Variants in ZBTB44 observed in about 807,000 individuals in gnomAD.
ZBTB44 encodes zinc finger and BTB domain containing 44.
ZBTB44 carries 15 observed loss-of-function variants against 54.0 expected under a neutral mutation model. That is an observed-to-expected ratio of 0.28 (90% CI 0.19 to 0.43). ZBTB44 has a LOEUF of 0.43. ZBTB44 is among the 20% of genes least tolerant of loss of function. The pLI, the probability that ZBTB44 is intolerant of heterozygous loss-of-function variation, is 1.00. For missense variants in ZBTB44, 487 were observed against 707.1 expected, an observed-to-expected ratio of 0.69 and a Z score of 3.53; for synonymous variants, 230 against 250.1, an observed-to-expected ratio of 0.92 and a Z score of 0.76.
intron 1 of ZBTB44, chr11:130,295,773 A>G (rs1466297047): frequency 6.8e-7 from 1 of 1,469,288 alleles, no homozygotes; most frequent in Non-Finnish European, 9.5e-7. Flanking sequence ...AGTAGAACTC[A>G]TTGTTAAAAT....
At chr11:130,268,889 A>AAG (rs201442481) in intron 1 of ZBTB44, among the ~76,000 whole-genome samples, 57 of 150,532 alleles carry the variant, frequency 3.8e-4, no homozygotes, top group Admixed American at 1.2e-3. Context: ...CTCAAATTTT[A>AAG]AGAGAGAGAG....
chr11:130,262,974 T>A (rs1938987413), intron 1 of ZBTB44, among the ~76,000 whole-genome samples: 1 of 152,142 alleles, frequency 6.6e-6, no homozygotes, highest in African/African-American at 2.4e-5. Context: ...TGTGGAAGGA[T>A]CACTTGAGCC....
chr11:130,298,191 T>C (rs1169759216), intron 1 of ZBTB44, among the ~76,000 whole-genome samples: 1 of 152,018 alleles, frequency 6.6e-6, no homozygotes, highest in Non-Finnish European at 1.5e-5. Flanking sequence ...TTGCCTAGAT[T>C]AGAGTGCAGA....
chr11:130,306,245 G>C (rs1942257503), intron 1 of ZBTB44, among the ~76,000 whole-genome samples: 1 of 152,140 alleles, frequency 6.6e-6, no homozygotes, highest in Non-Finnish European at 1.5e-5. Flanking sequence ...GCTCACACTT[G>C]TAATCCCAGC....
chr11:130,249,813 A>T (rs1025219924), intron 2 of ZBTB44, among the ~76,000 whole-genome samples: 1 of 152,202 alleles, frequency 6.6e-6, no homozygotes, highest in Admixed American at 6.5e-5. Context: ...CCCGGGTTTC[A>T]AGCACAAAAC....
chr11:130,266,357 G>A (rs922123042), intron 1 of ZBTB44, among the ~76,000 whole-genome samples: 1 of 152,174 alleles, frequency 6.6e-6, no homozygotes, highest in Non-Finnish European at 1.5e-5. Flanking sequence ...GGTCATCGAG[G>A]AGCTCTGATG....
chr11:130,228,838 A>C lies in ZBTB44; in HGVS notation c.*2926T>G, dbSNP rs1953776184. 1 of 152,214 alleles carries C rather than the reference A, an allele frequency of 6.6e-6. No individual in the cohort carries two copies. Among genetic ancestry groups the C allele is most frequent in the Non-Finnish European group, 1.5e-5 (1 of 68,032 alleles). 9.4% of individuals were successfully genotyped at this position (152,214 alleles called of 1,614,324 possible). A position where few individuals can be genotyped will look rare whatever the true frequency, so the allele number is the denominator to read the frequency against. ...CCAATTTTATCAGTATATCGCCACAACCGTGCCTGGGACTTTAAGCTTCAT... is the reference window on the plus strand; with the variant it reads ...CCAATTTTATCAGTATATCGCCACACCCGTGCCTGGGACTTTAAGCTTCAT... On this transcript the variant is annotated 3_prime_UTR_variant, in exon 8 of 8. Transcript: ENST00000357899.
chr11:130,303,079 A>AT (rs1384523405), intron 1 of ZBTB44, among the ~76,000 whole-genome samples: 2 of 152,248 alleles, frequency 1.3e-5, no homozygotes, highest in African/African-American at 4.8e-5. Context: ...CGATTATTTA[A>AT]TAAAATACAC....
chr11:130,236,653 A>C, intron 5 of ZBTB44, 140 bp downstream of exon 5: 1 of 848,110 alleles, frequency 1.2e-6, no homozygotes, highest in Non-Finnish European at 1.6e-6. Context: ...AGGAGATTAG[A>C]GTATGAACAG....
At chr11:130,238,330 C>T (rs1486592237) in intron 4 of ZBTB44, 114 bp downstream of exon 4, 1 of 1,308,016 alleles carries the variant, frequency 7.6e-7, no homozygotes, top group Non-Finnish European at 1.0e-6. Flanking sequence ...TTTCATTTGA[C>T]TTCCCAGAGT....
At chr11:130,239,648 T>C (rs1954266341) in intron 3 of ZBTB44, 164 bp downstream of exon 3, 2 of 529,310 alleles carry the variant, frequency 3.8e-6, no homozygotes, top group East Asian at 3.5e-5. Flanking sequence ...AAAAGCCTTG[T>C]ATAGGTACTC....
At chr11:130,280,158 GA>G (rs1940401321) in intron 1 of ZBTB44, among the ~76,000 whole-genome samples, 1 of 152,146 alleles carries the variant, frequency 6.6e-6, no homozygotes, top group Admixed American at 6.5e-5. Flanking sequence ...ATGGGTGTAA[GA>G]AGGGAGCCTC....
At chr11:130,232,529 C>T (rs1418758360) in intron 7 of ZBTB44, 6 of 152,238 alleles carry the variant, frequency 3.9e-5, no homozygotes, top group African/African-American at 1.2e-4. Flanking sequence ...TCTCATTAGT[C>T]TTAATAATTT....
At position 130,230,132 on chromosome 11, in the gene ZBTB44, A is replaced by G. The variant is rs1190771846; in HGVS notation, c.*1632T>C. On this transcript the variant is annotated 3_prime_UTR_variant, in exon 8 of 8. Transcript: ENST00000357899. ...TACAGTAATGTATTTTTCAAGGACT[A>G]TTAAAGCTAAAAGGGACTAAAACAT... 6.6e-6 allele frequency: 1 copy of G among 152,104 alleles called. No homozygotes were observed. Among genetic ancestry groups the G allele is most frequent in the East Asian group, 1.9e-4 (1 of 5,202 alleles). 9.4% of individuals were successfully genotyped at this position (152,104 alleles called of 1,614,324 possible).
intron 1 of ZBTB44, among the ~76,000 whole-genome samples, chr11:130,273,109 C>G (rs1939796129): frequency 6.6e-6 from 1 of 152,148 alleles, no homozygotes; most frequent in African/African-American, 2.4e-5. Context: ...ATAGGAACTG[C>G]ATTGAATTTA....
chr11:130,312,347 T>C (rs187231121), intron 1 of ZBTB44, among the ~76,000 whole-genome samples: 1 of 152,326 alleles, frequency 6.6e-6, no homozygotes, highest in Admixed American at 6.5e-5. Flanking sequence ...TTTAATCAAA[T>C]GGTTACATTT....
At position 130,260,941 on chromosome 11, in the gene ZBTB44, C is replaced by A; in HGVS notation, c.933G>T (p.Gln311His). ...EEVSQPVSAS[Q>H]SSLSDQQTVP... Reference sequence around the variant, plus strand: ...CTGTCTGCTGATCACTCAGCGAACTCTGAGATGCACTGACAGGCTGGGACA... The same window carrying A: ...CTGTCTGCTGATCACTCAGCGAACTATGAGATGCACTGACAGGCTGGGACA... Residue 311 changes from glutamine (Q) to histidine (H), a missense_variant, in exon 2 of 8, where the codon CAG becomes CAT. By Grantham distance (24) the Gln-to-His change is conservative. This residue lies in a region of ZBTB44 where 277 missense variants were observed against 306.5 expected (regional missense o/e 0.90). Transcript: ENST00000357899. 1 of 1,614,032 alleles carries A rather than the reference C, an allele frequency of 6.2e-7. No homozygotes were observed. The highest frequency in any genetic ancestry group is 8.5e-7 in the Non-Finnish European group (1 of 1,179,904).
At position 130,231,043 on chromosome 11, in the gene ZBTB44, A is replaced by G. The variant is rs1953858450; in HGVS notation, c.*721T>C. 1 of 152,140 alleles carries G rather than the reference A, an allele frequency of 6.6e-6. No individual in the cohort carries two copies. Among genetic ancestry groups the G allele is most frequent in the African/African-American group, 2.4e-5 (1 of 41,468 alleles). 9.4% of individuals were successfully genotyped at this position (152,140 alleles called of 1,614,324 possible). On this transcript the variant is annotated 3_prime_UTR_variant, in exon 8 of 8. Coordinates refer to ENST00000357899, the MANE Select transcript of ZBTB44 (RefSeq NM_001301098.2). ...GGCCTTAAGAAAGATAGCTACGTTT[A>G]AGCACTCTAAACTGGAATATTTATG...
At chr11:130,239,564 A>G in intron 3 of ZBTB44, 1 of 275,322 alleles carries the variant, frequency 3.6e-6, no homozygotes, top group South Asian at 5.1e-5. Flanking sequence ...TGTGGTTCAT[A>G]GTTTGCCAAC....
Sources: allele counts gnomAD v4.1 joint callset (sites outside exome capture counted in the v4.1 genomes callset), GRCh38; gene constraint gnomAD v4.1.1; regional missense constraint gnomAD v4.1.1; transcripts MANE v1.5; gene names NCBI Gene and HGNC (gene_info 2026-07-23, HGNC 2026-07-21).